PAQR5: variants seen among roughly 807,000 people sequenced by gnomAD.
PAQR5 encodes progestin and adipoQ receptor family member 5, also known as membrane progestin receptor gamma.
PAQR5 carries 20 observed loss-of-function variants against 34.5 expected under a neutral mutation model. That is an observed-to-expected ratio of 0.58 (90% CI 0.41 to 0.84). The LOEUF (loss-of-function observed/expected upper bound fraction) is 0.84, where lower values mean the gene tolerates loss of function less well. PAQR5 is among the 40% of genes least tolerant of loss of function. PAQR5 has a pLI of 0.00. For missense variants in PAQR5, 378 were observed against 412.7 expected, an observed-to-expected ratio of 0.92 and a Z score of 0.73; for synonymous variants, 131 against 155.6, an observed-to-expected ratio of 0.84 and a Z score of 1.18.
intron 1 of PAQR5, among the ~76,000 whole-genome samples, chr15:69,332,343 T>A (rs575915250): frequency 6.6e-6 from 1 of 152,314 alleles, no homozygotes; most frequent in African/African-American, 2.4e-5. Flanking sequence ...AAACCAATAC[T>A]GGATGAAATT....
At chr15:69,329,158 T>A (rs1384890152) in intron 1 of PAQR5, among the ~76,000 whole-genome samples, 1 of 152,234 alleles carries the variant, frequency 6.6e-6, no homozygotes, top group Non-Finnish European at 1.5e-5. Context: ...CAGATGCCAC[T>A]GAAACTGTTG....
At chr15:69,379,735 GGA>G in intron 3 of PAQR5, 146 bp from the exon 4 acceptor site, 2 of 1,226,972 alleles carry the variant, frequency 1.6e-6, no homozygotes, top group South Asian at 1.6e-5. Flanking sequence ...TGCGAGGGAA[GGA>G]GAGAGTGAGG....
At chr15:69,347,726 T>C (rs1459501108) in intron 2 of PAQR5, among the ~76,000 whole-genome samples, 2 of 152,142 alleles carry the variant, frequency 1.3e-5, no homozygotes, top group African/African-American at 4.8e-5. Flanking sequence ...GTAGATTCGG[T>C]GCTTTTGGTC....
At chr15:69,390,229 T>A (rs1401079180) in intron 6 of PAQR5, among the ~76,000 whole-genome samples, 1 of 152,208 alleles carries the variant, frequency 6.6e-6, no homozygotes, top group African/African-American at 2.4e-5. Flanking sequence ...TTGGTCAGGC[T>A]GGTCTGGAAC....
Position 69,389,149 on chromosome 15 carries a change from T to C in PAQR5, c.386-505T>C, listed in dbSNP as rs965342162. On this transcript the variant is annotated intron_variant, in intron 5 of 8. Coordinates refer to ENST00000395407, the MANE Select transcript of PAQR5 (RefSeq NM_017705.4). ...GCCCTCCCTCCAGCACTGATCTTTC[T>C]ACCAGGAGCACCCATGTCCCTGGGC... 7.9e-5 allele frequency among the ~76,000 whole-genome samples: 12 copies of C among 152,316 alleles called. No individual in the cohort carries two copies. In the South Asian group the frequency reaches 1.2e-3, roughly 16 times the overall value.
intron 1 of PAQR5, among the ~76,000 whole-genome samples, chr15:69,314,162 G>C (rs1595839225): frequency 6.6e-6 from 1 of 151,942 alleles, no homozygotes; most frequent in African/African-American, 2.4e-5. Context: ...TTTGGTACAC[G>C]TCCTCTCTAG....
chr15:69,358,022 G>A (rs2055124967), intron 2 of PAQR5, among the ~76,000 whole-genome samples: 1 of 152,140 alleles, frequency 6.6e-6, no homozygotes, highest in South Asian at 2.1e-4. Flanking sequence ...AAGGTCTCTG[G>A]GTCTTCAGAG....
In PAQR5 at chr15:69,337,344, A is replaced by C. The variant is rs1474002209; in HGVS notation, c.-273A>C. On this transcript the variant is annotated 5_prime_UTR_variant, in exon 2 of 9. Coordinates refer to ENST00000395407, the MANE Select transcript of PAQR5 (RefSeq NM_017705.4). ...AATCTGTTTTCTTTTGTCACAGGAC[A>C]CCATTGGAGAAACTGGGCATTTTAC... The C allele has an allele frequency of 1.3e-5, 2 of 152,316 alleles. No individual in the cohort carries two copies. Among genetic ancestry groups the C allele is most frequent in the East Asian group, 3.9e-4 (2 of 5,192 alleles). The allele number at this position is 152,316 out of a possible 1,614,324, so 9.4% of individuals were successfully genotyped here.
In PAQR5 at chr15:69,405,653, T is replaced by C. The variant is rs1244061569; in HGVS notation, c.*1831T>C. ...ACAAAGTTTAAATACCCCTTTCTAG[T>C]AATGCCAAAGACATACAGTGTTTTA... is the stretch of plus-strand genomic sequence containing the variant. On this transcript the variant is annotated 3_prime_UTR_variant, in exon 9 of 9. Transcript: ENST00000395407. The C allele has an allele frequency of 6.6e-6, 1 of 152,232 alleles. No individual in the cohort carries two copies. The highest frequency in any genetic ancestry group is 2.4e-5 in the African/African-American group (1 of 41,464). 9.4% of individuals were successfully genotyped at this position (152,232 alleles called of 1,614,324 possible).
At chr15:69,314,147 ATG>A (rs2053889574) in intron 1 of PAQR5, among the ~76,000 whole-genome samples, 1 of 151,948 alleles carries the variant, frequency 6.6e-6, no homozygotes, top group Non-Finnish European at 1.5e-5. Flanking sequence ...CATTTCTTCG[ATG>A]TCTTTGGTAC....
intron 5 of PAQR5, among the ~76,000 whole-genome samples, chr15:69,386,776 C>G (rs994768506): frequency 1.5e-4 from 23 of 152,172 alleles, no homozygotes; most frequent in African/African-American, 5.1e-4. Flanking sequence ...CCGGAGAAAC[C>G]CTGTCTCCAA....
chr15:69,313,436 G>A (rs1407940981), intron 1 of PAQR5, among the ~76,000 whole-genome samples: 2 of 152,098 alleles, frequency 1.3e-5, no homozygotes, highest in Non-Finnish European at 2.9e-5. Context: ...GGGAGCTGAA[G>A]CTGCAGTGAG....
At position 69,311,401 on chromosome 15, in the gene PAQR5, G is replaced by A. The variant is rs149452090; in HGVS notation, c.-277+12345G>A. Among the ~76,000 whole-genome samples the A allele has an allele frequency of 4.7e-3, 721 of 152,292 alleles. 1 individual carries two copies. The highest frequency in any genetic ancestry group is 7.3e-3 in the Non-Finnish European group (498 of 68,024). On this transcript the variant is annotated intron_variant, in intron 1 of 8. Coordinates refer to ENST00000395407, the MANE Select transcript of PAQR5 (RefSeq NM_017705.4). ...AGCCTGGAACCTGAGTTAGATGAGG[G>A]AAGTGAGTGGATGGTGTTCTGACGT...
chr15:69,309,362 A>G (rs1453697799), intron 1 of PAQR5, among the ~76,000 whole-genome samples: 2 of 152,192 alleles, frequency 1.3e-5, no homozygotes, highest in Non-Finnish European at 2.9e-5. Context: ...GAGCACGAGT[A>G]AGTGCATGAG....
In PAQR5 at chr15:69,360,000, C is replaced by T; in HGVS notation, c.-81C>T. The T allele has an allele frequency of 1.8e-6, 2 of 1,112,504 alleles. No homozygotes were observed. Among genetic ancestry groups the T allele is most frequent in the Non-Finnish European group, 1.4e-6 (1 of 729,080 alleles). 68.9% of individuals were successfully genotyped at this position (1,112,504 alleles called of 1,614,324 possible). On this transcript the variant is annotated 5_prime_UTR_variant, in exon 3 of 9. Transcript: ENST00000395407. Reference sequence around the variant, plus strand: ...ACAGCACCAGCTAGGCAGAGACGCCCCAGGCCATGTTAGAGCTTTGAGTGA... The same window carrying T: ...ACAGCACCAGCTAGGCAGAGACGCCTCAGGCCATGTTAGAGCTTTGAGTGA...
intron 1 of PAQR5, among the ~76,000 whole-genome samples, chr15:69,333,978 G>A (rs191748423): frequency 3.3e-5 from 5 of 152,208 alleles, no homozygotes; most frequent in East Asian, 1.9e-4. Flanking sequence ...AATAGAAACC[G>A]TAATACCTTT....
chr15:69,335,923 C>T (rs1480627691), intron 1 of PAQR5, among the ~76,000 whole-genome samples: 1 of 152,076 alleles, frequency 6.6e-6, no homozygotes, highest in Non-Finnish European at 1.5e-5. Context: ...ATTAAAGATG[C>T]ACTAATGCAA....
chr15:69,326,584 C>T (rs2054256599), intron 1 of PAQR5, among the ~76,000 whole-genome samples: 2 of 152,056 alleles, frequency 1.3e-5, no homozygotes, highest in South Asian at 4.1e-4. Flanking sequence ...TTACAGGTGC[C>T]CGCCACCACA....
At chr15:69,388,746 G>C (rs1022304756) in intron 5 of PAQR5, among the ~76,000 whole-genome samples, 4 of 152,186 alleles carry the variant, frequency 2.6e-5, no homozygotes. Flanking sequence ...CCTGTCACTG[G>C]GATAAAAGAC....
Sources: allele counts gnomAD v4.1 joint callset (sites outside exome capture counted in the v4.1 genomes callset), GRCh38; gene constraint gnomAD v4.1.1; transcripts MANE v1.5; gene names NCBI Gene and HGNC (gene_info 2026-07-23, HGNC 2026-07-21).